Variants in ZNF440 observed in about 807,000 individuals in gnomAD.
ZNF440 encodes the protein zinc finger protein 440.
Under a neutral mutation model 49.7 loss-of-function variants are expected in ZNF440, and 47 were observed. That is an observed-to-expected ratio of 0.95 (90% CI 0.75 to 1.21). ZNF440 has a LOEUF of 1.21. Ranked by LOEUF, ZNF440 falls within the 50% of genes most tolerant of loss-of-function variation. The pLI, the probability that ZNF440 is intolerant of heterozygous loss-of-function variation, is 0.00. For missense variants in ZNF440, 703 were observed against 715.0 expected (o/e 0.98, Z 0.19); for synonymous variants, 255 against 237.7 (o/e 1.07, Z -0.67).
intron 1 of ZNF440, among the ~76,000 whole-genome samples, chr19:11,822,933 A>C (rs894602552): frequency 3.3e-5 from 5 of 151,624 alleles, no homozygotes; most frequent in African/African-American, 1.2e-4. Flanking sequence ...ATTTTCTCTT[A>C]ATTAGTATAG....
At position 11,833,641 on chromosome 19, in the gene ZNF440, T is replaced by C. The variant is rs543176786; in HGVS notation, c.*677T>C. The C allele has an allele frequency of 8.1e-6, 3 of 369,362 alleles. No homozygotes were observed. The highest frequency in any genetic ancestry group is 4.3e-5 in the African/African-American group (2 of 46,182). 22.9% of individuals were successfully genotyped at this position (369,362 alleles called of 1,614,324 possible). A position where few individuals can be genotyped will look rare whatever the true frequency, so the allele number is the denominator to read the frequency against. ...TTTCAATATCATGAAAGGACTCACATGGGAGAGAAACCCTATGAGTGTATG... is the reference window on the plus strand; with the variant it reads ...TTTCAATATCATGAAAGGACTCACACGGGAGAGAAACCCTATGAGTGTATG... On this transcript the variant is annotated 3_prime_UTR_variant, in exon 4 of 4. Coordinates refer to ENST00000304060, the MANE Select transcript of ZNF440 (RefSeq NM_152357.3).
At position 11,830,626 on chromosome 19, in the gene ZNF440, G is replaced by A. The variant is rs759831495; in HGVS notation, c.140G>A (p.Trp47Ter). 1.5e-5 allele frequency: 24 copies of A among 1,613,738 alleles called. No individual in the cohort carries two copies. The African/African-American group carries it at 3.1e-4, about 21-fold the overall frequency. ...FRNLTSLGKR[W>*]KDQNIEYEHQ... ...TGTGTCTGTATTTTAGGAAAAAGGT[G>A]GAAAGACCAGAACATTGAATATGAG... The change falls in exon 3 of 4, where the codon TGG becomes TAG. Residue 47 changes from tryptophan (W) to a stop codon, truncating the protein, a stop_gained. Coordinates refer to ENST00000304060, the MANE Select transcript of ZNF440 (RefSeq NM_152357.3). LOFTEE classifies it high-confidence loss of function.
At chr19:11,818,736 C>T (rs1170541945) in intron 1 of ZNF440, among the ~76,000 whole-genome samples, 2 of 151,976 alleles carry the variant, frequency 1.3e-5, no homozygotes, top group African/African-American at 2.4e-5. Context: ...GGTGGGGTCC[C>T]AATACATTGC....
intron 1 of ZNF440, among the ~76,000 whole-genome samples, chr19:11,828,758 C>T (rs942258259): frequency 6.0e-5 from 9 of 150,706 alleles, no homozygotes; most frequent in Non-Finnish European, 1.2e-4. Flanking sequence ...AATCTTGGCT[C>T]ACCACAACCT....
Position 11,832,152 on chromosome 19 carries a change from A to G in ZNF440, c.976A>G (p.Ser326Gly). 2 of 1,614,244 alleles carry G rather than the reference A, an allele frequency of 1.2e-6. No individual in the cohort carries two copies. The highest frequency in any genetic ancestry group is 1.7e-6 in the Non-Finnish European group (2 of 1,180,038). The change falls in exon 4 of 4, where the codon AGT (serine) becomes GGT (glycine). Residue 326 changes from serine to glycine, a missense_variant. Transcript: ENST00000304060. ...TGGGAAAGCATTATCCTCTCTTACA[A>G]GTTTTCAAACACACGTAAGATTGCA... The part of the protein sequence containing the change: ...QCGKALSSLT[S>G]FQTHVRLHSG...
intron 1 of ZNF440, among the ~76,000 whole-genome samples, chr19:11,828,116 A>C (rs1039957740): frequency 5.3e-5 from 8 of 152,202 alleles, no homozygotes; most frequent in Admixed American, 3.9e-4. Context: ...TTAGCGTTCC[A>C]AAAATGGAAC....
chr19:11,818,535 G>A (rs1454945119), intron 1 of ZNF440, among the ~76,000 whole-genome samples: 1 of 151,176 alleles, frequency 6.6e-6, no homozygotes, highest in African/African-American at 2.4e-5. Flanking sequence ...GATGTATGAG[G>A]TACAACAATT....
chr19:11,832,468 A>G lies in ZNF440; in HGVS notation c.1292A>G (p.Lys431Arg), dbSNP rs1455977206. Residue 431 changes from lysine to arginine, a missense_variant, in exon 4 of 4, where the codon AAA (lysine) becomes AGA (arginine). Lys to Arg is a conservative substitution (Grantham distance 26). Transcript: ENST00000304060. ...CCGTATGAATGTAAGGAATGTGGGA[A>G]AGCCTTCAGATATGTGAATAACCTT... ...EKPYECKECG[K>R]AFRYVNNLQS... The G allele has an allele frequency of 6.2e-7, 1 of 1,613,980 alleles. No homozygotes were observed. The highest frequency in any genetic ancestry group is 8.5e-7 in the Non-Finnish European group (1 of 1,180,006).
chr19:11,824,035 T>G (rs1378069982), intron 1 of ZNF440, among the ~76,000 whole-genome samples: 1 of 151,630 alleles, frequency 6.6e-6, no homozygotes. Flanking sequence ...TACAAAAAAT[T>G]ACCTCGTCAT....
At chr19:11,829,991 A>C (rs1472040632) in intron 1 of ZNF440, 1 of 413,444 alleles carries the variant, frequency 2.4e-6, no homozygotes, top group Non-Finnish European at 4.2e-6. Context: ...GCATGGTGGC[A>C]TATGCCTGTA....
At chr19:11,828,986 G>C (rs1184921357) in intron 1 of ZNF440, among the ~76,000 whole-genome samples, 1 of 152,146 alleles carries the variant, frequency 6.6e-6, no homozygotes, top group Non-Finnish European at 1.5e-5. Context: ...GCCTGGCTAA[G>C]ATGTCATTTT....
chr19:11,826,809 G>A (rs566678998), intron 1 of ZNF440, among the ~76,000 whole-genome samples: 17 of 151,594 alleles, frequency 1.1e-4, no homozygotes, highest in South Asian at 2.1e-4. Context: ...GATTACAGGT[G>A]TATGCTGCCA....
intron 1 of ZNF440, among the ~76,000 whole-genome samples, chr19:11,822,781 A>C (rs1310738078): frequency 6.8e-6 from 1 of 146,810 alleles, no homozygotes; most frequent in Non-Finnish European, 1.5e-5. Context: ...TGGGAGGTGG[A>C]GGTTGTAGTG....
chr19:11,830,385 A>G lies in ZNF440; in HGVS notation c.106A>G (p.Thr36Ala). Residue 36 changes from threonine (T) to alanine (A), a missense_variant, in exon 2 of 4, where the codon ACT becomes GCT. Transcript: ENST00000304060. The stretch of plus-strand genomic sequence containing the variant: ...ACTCTACAGGGAAGTGATGCTGGAA[A>G]CTTTCAGGAACCTGACCTCTTTAGG... Reference protein sequence around the residue: ...RKLYREVMLETFRNLTSLGKR... With the variant: ...RKLYREVMLEAFRNLTSLGKR... The G allele has an allele frequency of 2.5e-6, 4 of 1,614,078 alleles. No homozygotes were observed. The East Asian group carries it at 8.9e-5, about 36-fold the overall frequency.
At chr19:11,820,907 A>G (rs1404290449) in intron 1 of ZNF440, among the ~76,000 whole-genome samples, 1 of 152,308 alleles carries the variant, frequency 6.6e-6, no homozygotes, top group Non-Finnish European at 1.5e-5. Flanking sequence ...GGGTGGAGCA[A>G]TAGCCTGCAA....
chr19:11,829,606 T>C (rs1437270370), intron 1 of ZNF440, among the ~76,000 whole-genome samples: 1 of 152,160 alleles, frequency 6.6e-6, no homozygotes, highest in African/African-American at 2.4e-5. Context: ...CTTTTCTCCC[T>C]GGGTTCGGTA....
intron 1 of ZNF440, among the ~76,000 whole-genome samples, chr19:11,825,849 C>T (rs1975858797): frequency 7.8e-6 from 1 of 128,376 alleles, no homozygotes; most frequent in Admixed American, 8.8e-5. Context: ...GAGTTTCACT[C>T]TTCTTGCCCA....
intron 3 of ZNF440, 93 bp downstream of exon 3, chr19:11,830,770 C>T: frequency 1.4e-6 from 2 of 1,443,144 alleles, no homozygotes. Context: ...GAACTAAGTC[C>T]AGGATCAAAT....
intron 1 of ZNF440, among the ~76,000 whole-genome samples, chr19:11,825,505 T>G (rs1305607303): frequency 6.6e-6 from 1 of 152,218 alleles, no homozygotes; most frequent in Non-Finnish European, 1.5e-5. Context: ...ATGATGATGT[T>G]CCTGCCTCTA....
Sources: gnomAD v4.1 joint callset for allele counts (sites outside exome capture counted in the v4.1 genomes callset) on GRCh38, gnomAD v4.1.1 for gene constraint, MANE v1.5 for transcripts, NCBI Gene and HGNC (gene_info 2026-07-23, HGNC 2026-07-21) for gene names.